Variants in SP100 observed in about 807,000 individuals in gnomAD.
The protein encoded by SP100 is nuclear autoantigen Sp-100.
Under a neutral mutation model 130.0 loss-of-function variants are expected in SP100, and 84 were observed. That is an observed-to-expected ratio of 0.65 (90% CI 0.54 to 0.77). SP100 has a LOEUF of 0.77. SP100 is among the 30% of genes least tolerant of loss of function. The pLI, the probability that SP100 is intolerant of heterozygous loss-of-function variation, is 0.00. For synonymous variants in SP100, 331 were observed against 351.7 expected, an observed-to-expected ratio of 0.94 and a Z score of 0.66; for missense variants, 978 against 1,052.2, an observed-to-expected ratio of 0.93 and a Z score of 0.97.
rs1321582645 is a variant in SP100 at position 230,544,316 on chromosome 2, G to C, written c.*1370G>C. On this transcript the variant is annotated 3_prime_UTR_variant, in exon 29 of 29. Transcript: ENST00000340126. ...GATCTAATTAAACTTAAGAGATTCT[G>C]CACAGCAAAAGAAACAATCAACAGA... Among the ~76,000 whole-genome samples, 2 of 152,150 alleles carry C rather than the reference G, an allele frequency of 1.3e-5. No homozygotes were observed. The highest frequency in any genetic ancestry group is 2.9e-5 in the Non-Finnish European group (2 of 68,032).
intron 24 of SP100, among the ~76,000 whole-genome samples, chr2:230,519,461 T>C (rs927498612): frequency 1.3e-5 from 2 of 152,212 alleles, no homozygotes; most frequent in South Asian, 2.1e-4. Context: ...CAAACGTAAA[T>C]ACGTTTTCCC....
Position 230,531,447 on chromosome 2 carries a change from A to T in SP100, c.2095-7820A>T, listed in dbSNP as rs1021690938. 4.6e-5 allele frequency among the ~76,000 whole-genome samples: 7 copies of T among 152,188 alleles called. No individual in the cohort carries two copies. In the East Asian group the frequency reaches 9.6e-4, roughly 21 times the overall value. ...GTTGAGGGGCTGGGGGAGGGATAGC[A>T]TTAGGAGAAATGCTAAAACCAACAT... is the stretch of plus-strand genomic sequence containing the variant. On this transcript the variant is annotated intron_variant, in intron 24 of 28. Transcript: ENST00000340126.
Position 230,541,903 on chromosome 2 carries a change from G to C in SP100, c.2415G>C (p.Gly805=). The C allele has an allele frequency of 1.9e-6, 3 of 1,614,026 alleles. No individual in the cohort carries two copies. The highest frequency in any genetic ancestry group is 2.5e-6 in the Non-Finnish European group (3 of 1,179,950). ...FASEPYYNRE[G]SQGPQKPMWL... ...CTTTTACTCAACAGAACAGAGAGGG[G>C]TCTCAGGGCCCACAGAAGCCCATGT... The change falls in exon 28 of 29, where the codon GGG becomes GGC. Residue 805 remains glycine (G), a synonymous_variant. Transcript: ENST00000340126.
chr2:230,481,131 G>T (rs1349775750), intron 17 of SP100, among the ~76,000 whole-genome samples: 1 of 151,768 alleles, frequency 6.6e-6, no homozygotes, highest in African/African-American at 2.4e-5. Flanking sequence ...TGCTTTCCTT[G>T]TCTCTATACT....
chr2:230,470,493 T>C (rs2065212245), intron 15 of SP100: 2 of 886,136 alleles, frequency 2.3e-6, no homozygotes, highest in South Asian at 1.0e-4. Flanking sequence ...TATGTAATTA[T>C]AGACAGAAAT....
intron 19 of SP100, among the ~76,000 whole-genome samples, chr2:230,500,574 G>A (rs1464553529): frequency 6.6e-6 from 1 of 152,236 alleles, no homozygotes; most frequent in Non-Finnish European, 1.5e-5. Flanking sequence ...TATGGCCAGA[G>A]CTGGATCTCC....
chr2:230,449,444 G>T (rs2149922813), intron 6 of SP100, 117 bp from the exon 7 acceptor site: 3 of 1,136,282 alleles, frequency 2.6e-6, no homozygotes, highest in African/African-American at 1.5e-5. Context: ...CTTGAATCTG[G>T]CTGTTGCCTT....
intron 24 of SP100, among the ~76,000 whole-genome samples, chr2:230,528,811 T>C (rs1434170768): frequency 6.6e-6 from 1 of 152,150 alleles, no homozygotes; most frequent in Non-Finnish European, 1.5e-5. Context: ...TCTATGCAAA[T>C]AAACTAGAAT....
chr2:230,512,810 T>A (rs1690695682), intron 24 of SP100, among the ~76,000 whole-genome samples: 1 of 152,188 alleles, frequency 6.6e-6, no homozygotes, highest in Non-Finnish European at 1.5e-5. Flanking sequence ...TCAAGTAGAA[T>A]CAGTGGGAGC....
rs756722213 is a variant in SP100 at position 230,466,318 on chromosome 2, A to C, written c.1159A>C (p.Lys387Gln). 9.5e-6 allele frequency: 15 copies of C among 1,583,474 alleles called. No homozygotes were observed. Among genetic ancestry groups the C allele is most frequent in the Non-Finnish European group, 1.3e-5 (15 of 1,153,200 alleles). ...QIVPEPMDFR[K>Q]LSTFRESFKK... ...CTTTACAGAGCCCATGGATTTCAGA[A>C]AATTATCTACATTCAGAGAAAGTTT... Residue 387 changes from lysine (K) to glutamine (Q), a missense_variant, in exon 12 of 29, where the codon AAA (lysine) becomes CAA (glutamine). By Grantham distance (53) the Lys-to-Gln change is moderately conservative. Transcript: ENST00000340126.
At chr2:230,469,295 C>T (rs1649877) in intron 14 of SP100, among the ~76,000 whole-genome samples, 199 bp downstream of exon 14, 34,973 of 151,954 alleles carry the variant, frequency 0.23, 4,844 homozygotes, top group Non-Finnish European at 0.32. Flanking sequence ...ACAAGTGCAA[C>T]ATAAGTTTAT....
intron 8 of SP100, among the ~76,000 whole-genome samples, chr2:230,451,714 C>G (rs963519495): frequency 1.7e-4 from 26 of 152,194 alleles, no homozygotes; most frequent in Admixed American, 2.0e-4. Flanking sequence ...AATATTTGCT[C>G]AGACCAATGT....
intron 2 of SP100, among the ~76,000 whole-genome samples, chr2:230,419,324 A>G (rs893875820): frequency 1.3e-5 from 2 of 152,208 alleles, no homozygotes; most frequent in African/African-American, 4.8e-5. Flanking sequence ...GTCCCTCTCC[A>G]TCCTGCCCAG....
chr2:230,467,060 C>A, intron 12 of SP100, 60 bp from the exon 13 acceptor site: 1 of 1,147,888 alleles, frequency 8.7e-7, no homozygotes, highest in South Asian at 1.3e-5. Flanking sequence ...GAATATTATT[C>A]TGACTTGGTT....
chr2:230,483,761 A>G (rs1301987325), intron 17 of SP100, among the ~76,000 whole-genome samples: 1 of 152,206 alleles, frequency 6.6e-6, no homozygotes, highest in Non-Finnish European at 1.5e-5. Context: ...TATACAGTCA[A>G]TTCTCATTAT....
intron 17 of SP100, among the ~76,000 whole-genome samples, chr2:230,483,475 T>C (rs1388757462): frequency 6.6e-6 from 1 of 152,294 alleles, no homozygotes; most frequent in South Asian, 2.1e-4. Flanking sequence ...ATAGAACTTA[T>C]AGGCCATGGC....
intron 24 of SP100, chr2:230,538,462 A>AC (rs1173401414): frequency 6.6e-6 from 1 of 151,984 alleles, no homozygotes; most frequent in Non-Finnish European, 1.5e-5. Flanking sequence ...AAGCTCAGGC[A>AC]CCCCCCTTGG....
At chr2:230,520,232 T>C (rs890670) in intron 24 of SP100, among the ~76,000 whole-genome samples, 61,679 of 152,030 alleles carry the variant, frequency 0.41, 13,823 homozygotes, top group South Asian at 0.56. Flanking sequence ...TCCATGTTGC[T>C]GGGGGTATGC....
intron 19 of SP100, among the ~76,000 whole-genome samples, chr2:230,499,321 A>G (rs1015430200): frequency 2.0e-5 from 3 of 150,428 alleles, no homozygotes; most frequent in African/African-American, 7.4e-5. Context: ...AGAAAGGTGC[A>G]TGAAGGAGGA....
Sources: allele counts gnomAD v4.1 joint callset (sites outside exome capture counted in the v4.1 genomes callset), GRCh38; gene constraint gnomAD v4.1.1; transcripts MANE v1.5; gene names NCBI Gene and HGNC (gene_info 2026-07-23, HGNC 2026-07-21).